Variants in SDK1 observed in about 807,000 individuals in gnomAD.
The protein encoded by SDK1 is sidekick cell adhesion molecule 1.
In SDK1, 157 loss-of-function variants were observed where a neutral mutation model predicts 245.5. The ratio of observed to expected loss-of-function variants is 0.64; its 90% confidence interval spans 0.56 to 0.73. SDK1 has a LOEUF of 0.73. Among genes scored for constraint, SDK1 ranks in the 30% least tolerant of loss-of-function variants. The probability of loss-of-function intolerance (pLI) is 0.00; values close to 1 mark genes in which losing one functional copy is unlikely to be tolerated. For synonymous variants in SDK1, 1,647 were observed against 1,278.5 expected (o/e 1.29, Z -6.15); for missense variants, 3,583 against 3,002.3 (o/e 1.19, Z -4.52).
At position 4,245,783 on chromosome 7, in the gene SDK1, C is replaced by A. The variant is rs140890143; in HGVS notation, c.6359C>A (p.Ser2120Ter). Residue 2120 changes from serine to a stop codon, truncating the protein, a stop_gained, in exon 44 of 45, where the codon TCG becomes TAG. Transcript: ENST00000404826. LOFTEE classifies it high-confidence loss of function. The part of the protein sequence containing the change: ...LTESVSLKEK[S>*]ADASESEATD... Reference sequence around the variant, plus strand: ...GAGAGCGTGAGCCTCAAGGAGAAGTCGGCAGATGCATCAGAATCTGAGGTC... The same window carrying A: ...GAGAGCGTGAGCCTCAAGGAGAAGTAGGCAGATGCATCAGAATCTGAGGTC... 6.2e-7 allele frequency: 1 copy of A among 1,613,876 alleles called. No homozygotes were observed. Among genetic ancestry groups the A allele is most frequent in the South Asian group, 1.1e-5 (1 of 91,028 alleles).
At chr7:3,723,040 A>G (rs1778867330) in intron 4 of SDK1, among the ~76,000 whole-genome samples, 3 of 152,382 alleles carry the variant, frequency 2.0e-5, no homozygotes, top group Admixed American at 2.0e-4. Flanking sequence ...CTTGGGAAAC[A>G]AACAGTGAAG....
At chr7:3,360,880 T>C (rs1780933057) in intron 1 of SDK1, among the ~76,000 whole-genome samples, 1 of 94,216 alleles carries the variant, frequency 1.1e-5, no homozygotes, top group Admixed American at 9.4e-5. Flanking sequence ...GAGATAGTAC[T>C]GCCTATGTGT....
chr7:3,919,747 T>A (rs947829766), intron 5 of SDK1, among the ~76,000 whole-genome samples: 1 of 152,130 alleles, frequency 6.6e-6, no homozygotes, highest in South Asian at 2.1e-4. Flanking sequence ...ATGGTTTTGT[T>A]GGGAACTGTA....
At chr7:3,896,186 T>C (rs1279771507) in intron 5 of SDK1, among the ~76,000 whole-genome samples, 1 of 152,256 alleles carries the variant, frequency 6.6e-6, no homozygotes, top group Non-Finnish European at 1.5e-5. Flanking sequence ...ATATATTTAC[T>C]CACATATTGA....
chr7:3,551,256 T>A (rs149364351), intron 1 of SDK1, among the ~76,000 whole-genome samples: 1 of 152,232 alleles, frequency 6.6e-6, no homozygotes, highest in Non-Finnish European at 1.5e-5. Context: ...ATAACATTAA[T>A]GTGTCAGCAC....
intron 5 of SDK1, among the ~76,000 whole-genome samples, chr7:3,911,153 T>G (rs541573932): frequency 6.6e-6 from 1 of 152,278 alleles, no homozygotes; most frequent in South Asian, 2.1e-4. Context: ...TAAAAAAAAT[T>G]ACAGATAAAC....
chr7:3,497,403 A>T lies in SDK1; in HGVS notation c.299-121677A>T, dbSNP rs187641569. ...TATTTTCTCCTAGATGATGTTTATC[A>T]GTCTTTTTGTAGCTGTCTGCTGCAG... On this transcript the variant is annotated intron_variant, in intron 1 of 44. Coordinates refer to ENST00000404826, the MANE Select transcript of SDK1 (RefSeq NM_152744.4). Among the ~76,000 whole-genome samples the T allele has an allele frequency of 2.4e-3, 360 of 152,302 alleles. 4 individuals carry two copies. The highest frequency in any genetic ancestry group is 5.6e-3 in the Admixed American group (85 of 15,288).
chr7:4,225,273 A>G (rs1584484262), intron 40 of SDK1, among the ~76,000 whole-genome samples: 1 of 152,262 alleles, frequency 6.6e-6, no homozygotes, highest in Non-Finnish European at 1.5e-5. Context: ...TGTTTCTTAC[A>G]ACCGCTTGGG....
In SDK1 at chr7:4,081,170, C is replaced by T. The variant is rs138116357; in HGVS notation, c.3324+1586C>T. ...GCTAGGCAGGCCACAGCGACAGAAA[C>T]GCCAGCGTCTTCAGGGCTCAACATA... is the stretch of plus-strand genomic sequence containing the variant. On this transcript the variant is annotated intron_variant, in intron 22 of 44. Coordinates refer to ENST00000404826, the MANE Select transcript of SDK1 (RefSeq NM_152744.4). Among the ~76,000 whole-genome samples the T allele has an allele frequency of 2.3e-3, 346 of 152,302 alleles. 1 individual carries two copies. Among genetic ancestry groups the T allele is most frequent in the African/African-American group, 7.9e-3 (327 of 41,570 alleles).
At chr7:3,699,801 A>G (rs1054398995) in intron 4 of SDK1, among the ~76,000 whole-genome samples, 1 of 152,210 alleles carries the variant, frequency 6.6e-6, no homozygotes, top group Non-Finnish European at 1.5e-5. Context: ...TCAAAGAAAT[A>G]ATGGTTAAAG....
intron 1 of SDK1, among the ~76,000 whole-genome samples, chr7:3,399,474 A>T (rs1157206283): frequency 6.6e-6 from 1 of 152,054 alleles, no homozygotes; most frequent in African/African-American, 2.4e-5. Context: ...TGGTCTGTAC[A>T]TTCCTATATC....
At chr7:3,900,187 A>G (rs762421683) in intron 5 of SDK1, among the ~76,000 whole-genome samples, 1 of 152,224 alleles carries the variant, frequency 6.6e-6, no homozygotes, top group Non-Finnish European at 1.5e-5. Flanking sequence ...ATTTTATTAC[A>G]TATTTTCATC....
chr7:3,444,250 C>G (rs1472395936), intron 1 of SDK1, among the ~76,000 whole-genome samples: 2 of 152,102 alleles, frequency 1.3e-5, no homozygotes, highest in East Asian at 1.9e-4. Context: ...TGTGGTCTTA[C>G]AGTATTTATG....
chr7:3,334,176 G>A (rs1780140476), intron 1 of SDK1, among the ~76,000 whole-genome samples: 1 of 152,212 alleles, frequency 6.6e-6, no homozygotes, highest in Admixed American at 6.5e-5. Flanking sequence ...GAGCTAGAAG[G>A]TGGGAGTAGA....
chr7:3,800,305 T>C (rs1363586193), intron 4 of SDK1, among the ~76,000 whole-genome samples: 3 of 152,160 alleles, frequency 2.0e-5, no homozygotes, highest in Non-Finnish European at 4.4e-5. Flanking sequence ...TTGGTGAGCA[T>C]TTCTACCCTG....
intron 1 of SDK1, among the ~76,000 whole-genome samples, chr7:3,443,673 CA>C (rs1430606294): frequency 6.6e-6 from 1 of 152,206 alleles, no homozygotes; most frequent in Non-Finnish European, 1.5e-5. Flanking sequence ...TTACTTTCTT[CA>C]TTTGTAATTG....
At chr7:4,157,357 G>A (rs1780801659) in intron 30 of SDK1, among the ~76,000 whole-genome samples, 2 of 116,936 alleles carry the variant, frequency 1.7e-5, no homozygotes, top group African/African-American at 7.5e-5. Context: ...AGGAAGGAAA[G>A]TGGGAAGGGA....
At chr7:3,531,195 T>C (rs1783333266) in intron 1 of SDK1, among the ~76,000 whole-genome samples, 1 of 152,184 alleles carries the variant, frequency 6.6e-6, no homozygotes, top group Admixed American at 6.5e-5. Context: ...TGATCTTCAG[T>C]GTGGAACTTT....
intron 4 of SDK1, among the ~76,000 whole-genome samples, chr7:3,677,051 C>T (rs548847255): frequency 1.3e-5 from 2 of 152,280 alleles, no homozygotes; most frequent in South Asian, 4.1e-4. Context: ...ATGTTTGTTT[C>T]TTATGACTTC....
Sources: gnomAD v4.1 joint callset for allele counts (sites outside exome capture counted in the v4.1 genomes callset) on GRCh38, gnomAD v4.1.1 for gene constraint, MANE v1.5 for transcripts, NCBI Gene and HGNC (gene_info 2026-07-23, HGNC 2026-07-21) for gene names.